The following NUP205 variants were observed in gnomAD, a reference collection of about 807,000 sequenced individuals.
NUP205 encodes nuclear pore complex protein Nup205.
In NUP205, 76 loss-of-function variants were observed where a neutral mutation model predicts 253.8. The ratio of observed to expected loss-of-function variants is 0.30; its 90% confidence interval spans 0.25 to 0.36. NUP205 has a LOEUF of 0.36. NUP205 is among the 10% of genes least tolerant of loss of function. The pLI is 1.00. For missense variants in NUP205, 2,162 were observed against 2,425.5 expected, an observed-to-expected ratio of 0.89 and a Z score of 2.28; for synonymous variants, 832 against 850.1, an observed-to-expected ratio of 0.98 and a Z score of 0.37.
intron 34 of NUP205, among the ~76,000 whole-genome samples, chr7:135,628,408 T>G (rs1412762708): frequency 6.6e-6 from 1 of 152,172 alleles, no homozygotes; most frequent in Non-Finnish European, 1.5e-5. Context: ...TAAGCTGGCT[T>G]CTAAAGTGTA....
In NUP205 at chr7:135,645,539, G is replaced by T. The variant is rs745723761; in HGVS notation, c.5755G>T (p.Asp1919Tyr). The change falls in exon 41 of 43, where the codon GAT becomes TAT. Residue 1919 changes from aspartate to tyrosine, a missense_variant. Transcript: ENST00000285968. ...CTACTTGTTACATTGCATGCCCACG[G>T]ATTCTCAAGATTCCTTATTTGCCTC... is the stretch of plus-strand genomic sequence containing the variant. ...EYYLLHCMPT[D>Y]SQDSLFASRT... The T allele has an allele frequency of 6.2e-7, 1 of 1,614,100 alleles. No homozygotes were observed. The highest frequency in any genetic ancestry group is 2.2e-5 in the East Asian group (1 of 44,882).
chr7:135,565,666 A>G (rs767384590), intron 1 of NUP205, among the ~76,000 whole-genome samples: 1 of 151,992 alleles, frequency 6.6e-6, no homozygotes, highest in Non-Finnish European at 1.5e-5. Flanking sequence ...TCCCGACCTA[A>G]GGTGATCTGC....
rs1218415236 is a variant in NUP205 at position 135,567,120 on chromosome 7, CTATGTGTGTATATATATATATATATATA to C, written c.29-3981_29-3954del. On this transcript the variant is annotated intron_variant, in intron 1 of 42. Transcript: ENST00000285968. ...TGGGATTCTGTCTGTCTTGCTCAGT[CTATGTGTGTATATATATATATATATATA>C]TATATATATATATATATATATATAT... Among the ~76,000 whole-genome samples the C allele has an allele frequency of 4.9e-3, 265 of 53,852 alleles. 15 individuals are homozygous for C. The highest frequency in any genetic ancestry group is 0.017 in the East Asian group (20 of 1,158). The allele number at this position is 53,852 out of a possible 152,430, so 35.3% of individuals were successfully genotyped here. A position where few individuals can be genotyped will look rare whatever the true frequency, so the allele number is the denominator to read the frequency against.
At chr7:135,570,700 A>T (rs866655509) in intron 1 of NUP205, among the ~76,000 whole-genome samples, 2 of 76,128 alleles carry the variant, frequency 2.6e-5, no homozygotes, top group South Asian at 4.3e-4. Flanking sequence ...TAATATAATT[A>T]ATTATATTAA....
chr7:135,590,994 C>T (rs1036043138), intron 10 of NUP205, among the ~76,000 whole-genome samples: 1 of 152,114 alleles, frequency 6.6e-6, no homozygotes, highest in East Asian at 1.9e-4. Flanking sequence ...ACTTAAAGAA[C>T]AGGAGTATGG....
At position 135,637,552 on chromosome 7, in the gene NUP205, C is replaced by A. The variant is rs3800759; in HGVS notation, c.5137-379C>A. Reference sequence around the variant, plus strand: ...CCTTGGTAGACAAAATTATCACAAACGTGTCCATCTTGTGACTGCCCTCTC... The same window carrying A: ...CCTTGGTAGACAAAATTATCACAAAAGTGTCCATCTTGTGACTGCCCTCTC... On this transcript the variant is annotated intron_variant, in intron 36 of 42. Transcript: ENST00000285968. 5.6e-3 allele frequency among the ~76,000 whole-genome samples: 851 copies of A among 152,250 alleles called. 14 individuals carry two copies. The highest frequency in any genetic ancestry group is 0.051 in the East Asian group (267 of 5,188).
Position 135,604,577 on chromosome 7 carries a change from G to A in NUP205, c.2823+117G>A, listed in dbSNP as rs1044675332. 21 of 1,036,950 alleles carry A rather than the reference G, an allele frequency of 2.0e-5. No individual in the cohort carries two copies. In the Admixed American group the frequency reaches 3.9e-4, roughly 19 times the overall value. 64.2% of individuals were successfully genotyped at this position (1,036,950 alleles called of 1,614,324 possible). ...TTGGTTGTGGAAAAATTCATTAAGA[G>A]TAAGTATATTTGTATAGGATGGGTG... On this transcript the variant is annotated intron_variant, in intron 19 of 42. Coordinates refer to ENST00000285968, the MANE Select transcript of NUP205 (RefSeq NM_015135.3).
intron 13 of NUP205, 69 bp from the exon 14 acceptor site, chr7:135,597,299 A>G (rs971573044): frequency 2.2e-5 from 25 of 1,135,000 alleles, no homozygotes; most frequent in Middle Eastern, 1.9e-4. Context: ...TGACTATTAT[A>G]TTGCAAAGCC....
chr7:135,612,663 G>A (rs1312362228), intron 22 of NUP205, among the ~76,000 whole-genome samples: 1 of 152,208 alleles, frequency 6.6e-6, no homozygotes, highest in African/African-American at 2.4e-5. Context: ...ACTGCAGTTT[G>A]TAGCTGTTCT....
intron 19 of NUP205, among the ~76,000 whole-genome samples, chr7:135,605,133 G>A (rs567754073): frequency 6.6e-6 from 1 of 152,010 alleles, no homozygotes; most frequent in Non-Finnish European, 1.5e-5. Context: ...TCAGCTCACT[G>A]CAGCCTCTGC....
intron 36 of NUP205, among the ~76,000 whole-genome samples, chr7:135,635,893 T>C (rs1433948920): frequency 6.6e-6 from 1 of 152,148 alleles, no homozygotes; most frequent in Admixed American, 6.5e-5. Flanking sequence ...TTTTACTCCT[T>C]TTCTTCCATC....
chr7:135,600,747 G>C (rs1793949242), intron 15 of NUP205, 123 bp from the exon 16 acceptor site: 2 of 519,172 alleles, frequency 3.9e-6, no homozygotes, highest in African/African-American at 3.9e-5. Flanking sequence ...TAGCGTAAGT[G>C]AATAAAGTGG....
chr7:135,571,237 T>C lies in NUP205; in HGVS notation c.161T>C (p.Phe54Ser). ...CACAAACCTGACTTCATCTCATTGT[T>C]CAAAAATCCGGTAAGAAATTTTCTT... ...KKHKPDFISL[F>S]KNPPKNVQQH... Residue 54 changes from phenylalanine to serine, a missense_variant, in exon 2 of 43, where the codon TTC becomes TCC. Transcript: ENST00000285968. 1 of 1,397,454 alleles carries C rather than the reference T, an allele frequency of 7.2e-7. No homozygotes were observed. The allele number at this position is 1,397,454 out of a possible 1,614,324, so 86.6% of individuals were successfully genotyped here. A position where few individuals can be genotyped will look rare whatever the true frequency, so the allele number is the denominator to read the frequency against.
rs569787694 is a variant in NUP205, at chr7:135,598,190, C to T, written c.2257C>T (p.Arg753Trp). 4.5e-5 allele frequency: 73 copies of T among 1,614,012 alleles called. 2 individuals are homozygous for T. The South Asian group carries it at 5.2e-4, about 11-fold the overall frequency. ...VFLRFRTRAY[R>W]RAAEKWEVAE... ...TCTACGATTCCGTACAAGAGCTTAC[C>T]GGAGAGCAGCTGAAAAGGTTATGTT... Residue 753 changes from arginine (R) to tryptophan (W), a missense_variant, in exon 15 of 43, where the codon CGG (arginine) becomes TGG (tryptophan). This residue lies in a region of NUP205 where 892 missense variants were observed against 957.1 expected (regional missense o/e 0.93). Transcript: ENST00000285968.
At chr7:135,571,278 GA>G (rs774035829) in intron 2 of NUP205, 31 bp downstream of exon 2, 21 of 1,332,262 alleles carry the variant, frequency 1.6e-5, no homozygotes, top group South Asian at 2.1e-5. Context: ...GTTTTTTTGG[GA>G]TTTTTTTTTT....
At position 135,602,865 on chromosome 7, in the gene NUP205, A is replaced by G; in HGVS notation, c.2573A>G (p.Gln858Arg). 2 of 1,614,082 alleles carry G rather than the reference A, an allele frequency of 1.2e-6. No homozygotes were observed. Among genetic ancestry groups the G allele is most frequent in the East Asian group, 2.2e-5 (1 of 44,862 alleles). ...HCLALLNLTL[Q>R]KENLFMDLLR... ...CTTGCACTTCTCAATCTTACTCTGC[A>G]AAAGGAAAATCTTTTTATGGACCTT... is the stretch of plus-strand genomic sequence containing the variant. The change falls in exon 18 of 43, where the codon CAA becomes CGA. Residue 858 changes from glutamine (Q) to arginine (R), a missense_variant. Gln to Arg is a conservative substitution (Grantham distance 43, BLOSUM62 1). Coordinates refer to ENST00000285968, the MANE Select transcript of NUP205 (RefSeq NM_015135.3).
intron 13 of NUP205, 55 bp downstream of exon 13, chr7:135,594,784 A>T: frequency 7.4e-7 from 1 of 1,348,522 alleles, no homozygotes. Flanking sequence ...GTTGGGCTTG[A>T]TAATACCATA....
rs1794952240 is a variant in NUP205, at chr7:135,643,491, A to G, written c.5559+133A>G. 3 of 684,002 alleles carry G rather than the reference A, an allele frequency of 4.4e-6. No individual in the cohort carries two copies. In the East Asian group the frequency reaches 8.2e-5, roughly 19 times the overall value. 42.4% of individuals were successfully genotyped at this position (684,002 alleles called of 1,614,324 possible). On this transcript the variant is annotated intron_variant, in intron 39 of 42. Transcript: ENST00000285968. ...GGAATGATTCTTCTGTGTGATTTGAAGAAGACTCCTTCGCCGTAGCACCAG... is the reference window on the plus strand; with the variant it reads ...GGAATGATTCTTCTGTGTGATTTGAGGAAGACTCCTTCGCCGTAGCACCAG...
intron 24 of NUP205, 69 bp downstream of exon 24, chr7:135,616,134 T>G (rs1234186014): frequency 6.9e-7 from 1 of 1,449,492 alleles, no homozygotes; most frequent in African/African-American, 1.4e-5. Context: ...AATCTGAAGC[T>G]TGTGCTTAGT....
Sources: gnomAD v4.1 joint callset for allele counts (sites outside exome capture counted in the v4.1 genomes callset) on GRCh38, gnomAD v4.1.1 for gene constraint, gnomAD v4.1.1 regional missense constraint, MANE v1.5 for transcripts, NCBI Gene and HGNC (gene_info 2026-07-23, HGNC 2026-07-21) for gene names.